Variants in ZMYM4 observed in about 807,000 individuals in gnomAD.
ZMYM4 encodes the protein zinc finger MYM-type containing 4, also known as zinc finger MYM-type protein 4.
ZMYM4 carries 31 observed loss-of-function variants against 183.2 expected under a neutral mutation model. The observed-to-expected ratio is 0.17, with a 90% CI of 0.13 to 0.23. The LOEUF is 0.23. ZMYM4 is among the 10% of genes least tolerant of loss of function. The pLI is 1.00. For synonymous variants in ZMYM4, 592 were observed against 631.2 expected, an observed-to-expected ratio of 0.94 and a Z score of 0.93; for missense variants, 1,273 against 1,840.3, an observed-to-expected ratio of 0.69 and a Z score of 5.64.
chr1:35,358,204 GATGAATGAGGGCATTGTAGGGTTAGGGC>G (rs1028122148), intron 2 of ZMYM4, among the ~76,000 whole-genome samples: 1 of 152,114 alleles, frequency 6.6e-6, no homozygotes, highest in African/African-American at 2.4e-5. Flanking sequence ...GTGAAGGGAA[GATGAATGAGGGCATTGTAGGGTTAGGGC>G]ATGAATGAGG....
chr1:35,379,787 C>T (rs1329933535), intron 7 of ZMYM4, among the ~76,000 whole-genome samples: 1 of 152,160 alleles, frequency 6.6e-6, no homozygotes, highest in Non-Finnish European at 1.5e-5. Flanking sequence ...TATTATTATG[C>T]CTCAGGGAAT....
intron 2 of ZMYM4, among the ~76,000 whole-genome samples, chr1:35,354,727 T>TTA (rs977530281): frequency 1.2e-5 from 1 of 84,036 alleles, no homozygotes; most frequent in Non-Finnish European, 2.2e-5. Flanking sequence ...ACTTTGTCTT[T>TTA]AAAAAAAAAA....
At chr1:35,384,323 T>A (rs1644526799) in intron 9 of ZMYM4, among the ~76,000 whole-genome samples, 1 of 152,198 alleles carries the variant, frequency 6.6e-6, no homozygotes, top group East Asian at 1.9e-4. Flanking sequence ...TAGAAGACAT[T>A]CCAGAATTCA....
intron 1 of ZMYM4, among the ~76,000 whole-genome samples, chr1:35,287,202 A>G (rs1336812062): frequency 1.3e-5 from 2 of 150,850 alleles, no homozygotes; most frequent in East Asian, 2.0e-4. Context: ...CTCTTCTACA[A>G]TAGTGGTTTT....
chr1:35,309,518 G>A lies in ZMYM4; in HGVS notation c.40-15842G>A, dbSNP rs1276535018. On this transcript the variant is annotated intron_variant, in intron 1 of 29. Coordinates refer to ENST00000314607, the MANE Select transcript of ZMYM4 (RefSeq NM_005095.3). Reference sequence around the variant, plus strand: ...TACTGATCATTTATATGTGTATAATGATTATATATTCTGAAAGGGGAGATT... The same window carrying A: ...TACTGATCATTTATATGTGTATAATAATTATATATTCTGAAAGGGGAGATT... Among the ~76,000 whole-genome samples, 5 of 152,154 alleles carry A rather than the reference G, an allele frequency of 3.3e-5. No homozygotes were observed. The South Asian group carries it at 6.2e-4, about 19-fold the overall frequency.
intron 2 of ZMYM4, among the ~76,000 whole-genome samples, chr1:35,326,169 T>G (rs1340642728): frequency 6.6e-6 from 1 of 152,202 alleles, no homozygotes; most frequent in South Asian, 2.1e-4. Flanking sequence ...TACCATAAGT[T>G]TAAATTGATA....
At chr1:35,399,417 T>A in intron 22 of ZMYM4, 65 bp from the exon 23 acceptor site, 1 of 1,415,004 alleles carries the variant, frequency 7.1e-7, no homozygotes, top group Non-Finnish European at 9.9e-7. Context: ...TCTTTACTAG[T>A]CTAAGTCTTT....
At chr1:35,272,462 G>A (rs1253766640) in intron 1 of ZMYM4, among the ~76,000 whole-genome samples, 2 of 152,090 alleles carry the variant, frequency 1.3e-5, no homozygotes, top group East Asian at 1.9e-4. Flanking sequence ...TGCTTTTTGC[G>A]TCTGGACATC....
At chr1:35,331,575 C>G (rs564787757) in intron 2 of ZMYM4, among the ~76,000 whole-genome samples, 2 of 152,022 alleles carry the variant, frequency 1.3e-5, no homozygotes, top group African/African-American at 4.8e-5. Flanking sequence ...TGCTTGAGGT[C>G]AGGAGTTCGA....
intron 1 of ZMYM4, among the ~76,000 whole-genome samples, chr1:35,307,612 G>A (rs189994308): frequency 0.021 from 3,112 of 148,886 alleles, 112 homozygotes; most frequent in African/African-American, 0.073. Flanking sequence ...TCGGCTCACT[G>A]CAAGCTCTGC....
intron 2 of ZMYM4, among the ~76,000 whole-genome samples, chr1:35,357,880 A>G (rs1023852821): frequency 4.6e-5 from 7 of 152,202 alleles, no homozygotes; most frequent in Non-Finnish European, 8.8e-5. Context: ...GTGTAAAAGT[A>G]AAGAGAACAG....
At chr1:35,312,429 T>C (rs796294842) in intron 1 of ZMYM4, among the ~76,000 whole-genome samples, 4 of 152,324 alleles carry the variant, frequency 2.6e-5, no homozygotes, top group African/African-American at 7.2e-5. Flanking sequence ...TAACCATTTT[T>C]AGGTGTATAA....
chr1:35,283,769 T>G (rs2148695749), intron 1 of ZMYM4, among the ~76,000 whole-genome samples: 1 of 152,302 alleles, frequency 6.6e-6, no homozygotes, highest in South Asian at 2.1e-4. Context: ...TTTGTGCATG[T>G]TTTTTAATTG....
In ZMYM4 at chr1:35,405,047, G is replaced by A. The variant is rs565666316; in HGVS notation, c.3553G>A (p.Val1185Met). 3 of 1,612,350 alleles carry A rather than the reference G, an allele frequency of 1.9e-6. No individual in the cohort carries two copies. Among genetic ancestry groups the A allele is most frequent in the South Asian group, 1.1e-5 (1 of 90,632 alleles). The change falls in exon 24 of 30, where the codon GTG (valine) becomes ATG (methionine). Residue 1185 changes from valine (V) to methionine (M), a missense_variant. Physicochemically the swap from Val to Met is conservative, Grantham distance 21. Around this residue, in one of 6 missense-constraint regions of ZMYM4, gnomAD observed 133 missense variants for 155.7 expected, o/e 0.85. Transcript: ENST00000314607. ...RRGRKKSIVAVEPRSLIQGAF... is the reference protein window; with the variant it reads ...RRGRKKSIVAMEPRSLIQGAF... ...GGGACGGAAGAAGTCTATAGTGGCT[G>A]TGGAGCCCAGGAGTCTTATTCAAGG... is the stretch of plus-strand genomic sequence containing the variant.
intron 1 of ZMYM4, among the ~76,000 whole-genome samples, chr1:35,291,234 CT>C (rs1640745329): frequency 1.3e-5 from 2 of 151,922 alleles, no homozygotes; most frequent in Admixed American, 1.3e-4. Context: ...GATACACATC[CT>C]TTATTAATGT....
intron 1 of ZMYM4, among the ~76,000 whole-genome samples, chr1:35,319,961 G>T (rs1436044855): frequency 2.6e-5 from 4 of 152,172 alleles, no homozygotes; most frequent in African/African-American, 9.7e-5. Flanking sequence ...ATTTAGCAAA[G>T]ACTGAGTTTT....
intron 1 of ZMYM4, among the ~76,000 whole-genome samples, chr1:35,300,345 C>T (rs1485395485): frequency 2.0e-5 from 3 of 152,148 alleles, no homozygotes; most frequent in Non-Finnish European, 2.9e-5. Context: ...TTTCCCCCAG[C>T]TGCATTTAAG....
intron 1 of ZMYM4, among the ~76,000 whole-genome samples, chr1:35,319,766 G>A (rs1642205823): frequency 6.6e-6 from 1 of 152,162 alleles, no homozygotes; most frequent in Admixed American, 6.6e-5. Flanking sequence ...ACTCATTGTG[G>A]CGGTTGAAGG....
At chr1:35,393,762 C>A in intron 18 of ZMYM4, 23 bp downstream of exon 18, 1 of 1,558,010 alleles carries the variant, frequency 6.4e-7, no homozygotes, top group Non-Finnish European at 8.7e-7. Flanking sequence ...GTCTTTCTTT[C>A]TTTATTAATT....
Sources: gnomAD v4.1 joint callset for allele counts (sites outside exome capture counted in the v4.1 genomes callset) on GRCh38, gnomAD v4.1.1 for gene constraint, gnomAD v4.1.1 regional missense constraint, MANE v1.5 for transcripts, NCBI Gene and HGNC (gene_info 2026-07-23, HGNC 2026-07-21) for gene names.